NFASC: variants seen among roughly 807,000 people sequenced by gnomAD.
The protein encoded by NFASC is neurofascin homolog.
Under a neutral mutation model 147.5 loss-of-function variants are expected in NFASC, and 43 were observed. That is an observed-to-expected ratio of 0.29 (90% confidence interval 0.23 to 0.38). The LOEUF (loss-of-function observed/expected upper bound fraction) is 0.38, where lower values mean the gene tolerates loss of function less well. Ranked by LOEUF, NFASC falls within the 10% of genes least tolerant of loss-of-function variation. The pLI is 1.00. For synonymous variants in NFASC, 622 were observed against 665.5 expected (o/e 0.93, Z 1.01); for missense variants, 1,320 against 1,689.0 (o/e 0.78, Z 3.83).
intron 8 of NFASC, chr1:204,962,018 T>C (rs2094697782): frequency 2.9e-6 from 3 of 1,020,990 alleles, no homozygotes; most frequent in African/African-American, 1.6e-5. Context: ...CAGTTGTTTT[T>C]CTGGCTTTGC....
chr1:205,013,072 C>T (rs2096281911), intron 29 of NFASC, among the ~76,000 whole-genome samples: 1 of 152,238 alleles, frequency 6.6e-6, no homozygotes, highest in Non-Finnish European at 1.5e-5. Flanking sequence ...CTGAGAGTGC[C>T]AGACGAGGCT....
chr1:204,924,179 C>A (rs984330100), intron 2 of NFASC, among the ~76,000 whole-genome samples: 3 of 152,092 alleles, frequency 2.0e-5, no homozygotes, highest in African/African-American at 7.2e-5. Context: ...TTGCTCCCAC[C>A]TCCCCTCCCC....
intron 15 of NFASC, among the ~76,000 whole-genome samples, chr1:204,976,327 A>G (rs1392342286): frequency 6.6e-6 from 1 of 152,120 alleles, no homozygotes; most frequent in South Asian, 2.1e-4. Flanking sequence ...AGGAATACCA[A>G]CCTACCTTGG....
At chr1:204,833,488 T>C (rs980495307) in intron 1 of NFASC, among the ~76,000 whole-genome samples, 10 of 9,812 alleles carry the variant, frequency 1.0e-3, no homozygotes, top group Admixed American at 5.1e-3. Context: ...GGTAGAAAAA[T>C]AAAAAGCTAG....
At chr1:204,997,613 A>C (rs753993496) in intron 25 of NFASC, 8 of 636,508 alleles carry the variant, frequency 1.3e-5, no homozygotes. Context: ...CCTGGCCCTG[A>C]CACACACACA....
At position 204,975,494 on chromosome 1, in the gene NFASC, G is replaced by T; in HGVS notation, c.1706+76G>T. 6.5e-7 allele frequency: 1 copy of T among 1,542,466 alleles called. No individual in the cohort carries two copies. Among genetic ancestry groups the T allele is most frequent in the Non-Finnish European group, 8.8e-7 (1 of 1,130,900 alleles). ...TTTTCCCTTGCTGTTGGTGACACAT[G>T]GAAGAACACAGGGACAGGGAACCCG... On this transcript the variant is annotated intron_variant, in intron 15 of 29. Coordinates refer to ENST00000339876, the MANE Select transcript of NFASC (RefSeq NM_001005388.3). The surrounding 1 kb of genome is among the most constrained non-coding windows in gnomAD (Gnocchi z 4.0).
At chr1:204,990,563 CAAAAAAAAAAAA>C (rs55745283) in intron 23 of NFASC, 1 of 126,710 alleles carries the variant, frequency 7.9e-6, no homozygotes, top group Non-Finnish European at 1.6e-5. Context: ...GCTCTCAGTC[CAAAAAAAAAAAA>C]AAAAGAAAAA....
At chr1:204,828,856 C>T in intron 1 of NFASC, 74 bp downstream of exon 1, 2 of 956,442 alleles carry the variant, frequency 2.1e-6, no homozygotes, top group Non-Finnish European at 2.5e-6. Context: ...CCCCTTGTTC[C>T]CGCCCTCGTC....
chr1:204,938,601 C>G (rs1276996783), intron 2 of NFASC, among the ~76,000 whole-genome samples: 1 of 152,174 alleles, frequency 6.6e-6, no homozygotes, highest in East Asian at 1.9e-4. Context: ...AACCATGCAG[C>G]CAATGCTCTC....
intron 1 of NFASC, among the ~76,000 whole-genome samples, chr1:204,886,096 G>A (rs1028794696): frequency 6.6e-6 from 1 of 152,200 alleles, no homozygotes; most frequent in Admixed American, 6.5e-5. Flanking sequence ...CGCCTAATCA[G>A]GACAATAAGT....
Position 204,982,010 on chromosome 1 carries a change from C to G in NFASC, c.2460C>G (p.Ser820=). ...GPEPESVIGY[S]GEDLPSAPRR... ...AGCCAGAGTCCGTCATCGGTTACTC[C>G]GGAGAAGATTGTGAGTAGTCTCCTC... The change falls in exon 21 of 30, where the codon TCC becomes TCG. Residue 820 remains serine (S), a synonymous_variant. Transcript: ENST00000339876. 6.4e-7 allele frequency: 1 copy of G among 1,570,634 alleles called. No individual in the cohort carries two copies.
At chr1:204,927,158 A>ATCACAAT (rs1008031999) in intron 2 of NFASC, among the ~76,000 whole-genome samples, 10 of 152,184 alleles carry the variant, frequency 6.6e-5, no homozygotes, top group African/African-American at 2.4e-4. Flanking sequence ...AGCAGCCATC[A>ATCACAAT]TCACAATGGA....
chr1:204,894,195 A>G (rs1164469912), intron 1 of NFASC, among the ~76,000 whole-genome samples: 1 of 152,246 alleles, frequency 6.6e-6, no homozygotes, highest in African/African-American at 2.4e-5. Flanking sequence ...ATATTTGTCA[A>G]AAGTTTCCCC....
intron 27 of NFASC, among the ~76,000 whole-genome samples, chr1:205,004,532 A>C (rs1005583455): frequency 6.6e-6 from 1 of 152,180 alleles, no homozygotes; most frequent in Non-Finnish European, 1.5e-5. Flanking sequence ...CATATTGTCC[A>C]CTTCTCTCAC....
intron 1 of NFASC, chr1:204,871,132 T>TCAAA: frequency 7.8e-7 from 1 of 1,283,088 alleles, no homozygotes; most frequent in African/African-American, 1.5e-5. Flanking sequence ...CCTCCTGCTT[T>TCAAA]GGCCTTCAAA....
At chr1:204,912,405 TCA>T (rs746061283) in intron 1 of NFASC, among the ~76,000 whole-genome samples, 1 of 152,114 alleles carries the variant, frequency 6.6e-6, no homozygotes, top group Non-Finnish European at 1.5e-5. Flanking sequence ...TATTTAGAAA[TCA>T]CATTCAAGCC....
chr1:204,982,380 C>T (rs187831964), intron 21 of NFASC, among the ~76,000 whole-genome samples: 5 of 152,328 alleles, frequency 3.3e-5, no homozygotes, highest in Admixed American at 2.6e-4. Context: ...TACTGCTAAG[C>T]CATACTAGTA....
At chr1:204,944,133 G>A in intron 2 of NFASC, 93 bp from the exon 3 acceptor site, 2 of 1,080,504 alleles carry the variant, frequency 1.9e-6, no homozygotes, top group South Asian at 2.8e-5. Flanking sequence ...CTGTGACCAA[G>A]GGGGCTCTTC....
chr1:204,974,228 T>C lies in NFASC; in HGVS notation c.1329T>C (p.Ile443=), dbSNP rs746899887. The C allele has an allele frequency of 9.9e-6, 16 of 1,614,056 alleles. No individual in the cohort carries two copies. ...LSPRNQLIRV[I]LYNRTRLDCP... ...CCCGGAACCAGCTCATTCGAGTGAT[T>C]CTTTACAACCGGACGCGGCTGGACT... The change falls in exon 13 of 30, where the codon ATT becomes ATC. Residue 443 remains isoleucine, a synonymous_variant. Transcript: ENST00000339876.
Sources: gnomAD v4.1 joint callset for allele counts (sites outside exome capture counted in the v4.1 genomes callset) on GRCh38, gnomAD v4.1.1 for gene constraint, Gnocchi (gnomAD v3.1) non-coding constraint, MANE v1.5 for transcripts, NCBI Gene and HGNC (gene_info 2026-07-23, HGNC 2026-07-21) for gene names.